ZC3H12D: variants seen among roughly 807,000 people sequenced by gnomAD.
ZC3H12D encodes zinc finger CCCH-type containing 12D.
In ZC3H12D, 11 loss-of-function variants were observed where a neutral mutation model predicts 24.2. The ratio of observed to expected loss-of-function variants is 0.46; its 90% CI spans 0.29 to 0.75. The LOEUF (loss-of-function observed/expected upper bound fraction) is 0.75, where lower values mean the gene tolerates loss of function less well. Among genes scored for constraint, ZC3H12D ranks in the 30% least tolerant of loss-of-function variants. The pLI, the probability that ZC3H12D is intolerant of heterozygous loss-of-function variation, is 0.11. For synonymous variants in ZC3H12D, 333 were observed against 341.8 expected (o/e 0.97, Z 0.28); for missense variants, 740 against 767.7 (o/e 0.96, Z 0.43).
chr6:149,478,830 G>A (rs1326302380), intron 1 of ZC3H12D, among the ~76,000 whole-genome samples: 3 of 151,860 alleles, frequency 2.0e-5, no homozygotes, highest in East Asian at 1.9e-4. Context: ...CCTGATGACT[G>A]TAACAGCCTC....
At chr6:149,464,545 C>A (rs1299328238) in intron 2 of ZC3H12D, among the ~76,000 whole-genome samples, 1 of 152,200 alleles carries the variant, frequency 6.6e-6, no homozygotes, top group Non-Finnish European at 1.5e-5. Flanking sequence ...TCACTGCACC[C>A]TCCCGCTCCT....
Position 149,474,582 on chromosome 6 carries a change from G to C in ZC3H12D, c.-39C>G. The C allele has an allele frequency of 7.0e-7, 1 of 1,430,404 alleles. No homozygotes were observed. The highest frequency in any genetic ancestry group is 2.5e-5 in the East Asian group (1 of 40,568). The allele number at this position is 1,430,404 out of a possible 1,614,324, so 88.6% of individuals were successfully genotyped here. On this transcript the variant is annotated 5_prime_UTR_variant, in exon 2 of 6. Transcript: ENST00000409806. ...GCCACTGGCGCAGGTCCTGCCCCAG[G>C]CTTCCTCCTCTCAGAGCCCTGCAGA... is the stretch of plus-strand genomic sequence containing the variant.
chr6:149,472,717 C>T (rs573145553), intron 2 of ZC3H12D, among the ~76,000 whole-genome samples: 15 of 152,136 alleles, frequency 9.9e-5, no homozygotes, highest in African/African-American at 3.6e-4. Context: ...TTTTTTGTTG[C>T]CCCTGAAATA....
At chr6:149,476,459 G>A (rs9485397) in intron 1 of ZC3H12D, among the ~76,000 whole-genome samples, 35,581 of 151,758 alleles carry the variant, frequency 0.23, 4,431 homozygotes, top group Non-Finnish European at 0.26. Context: ...AGCCAAGATC[G>A]TGCTACTGCA....
In ZC3H12D at chr6:149,452,575, A is replaced by C. The variant is rs1177572525; in HGVS notation, c.787+41T>G. ...TGTGCTCCTGTACTGCCCCCACACAAGGCCCTGAACAGGGCCTGCGAAGCA... is the reference window on the plus strand; with the variant it reads ...TGTGCTCCTGTACTGCCCCCACACACGGCCCTGAACAGGGCCTGCGAAGCA... On this transcript the variant is annotated intron_variant, in intron 5 of 5. Transcript: ENST00000409806. This position sits in a 1 kb window ranked among gnomAD's most constrained non-coding sequence, Gnocchi z 4.0. The C allele has an allele frequency of 6.9e-7, 1 of 1,446,156 alleles. No individual in the cohort carries two copies. Among genetic ancestry groups the C allele is most frequent in the Middle Eastern group, 2.1e-4 (1 of 4,688 alleles). The allele number at this position is 1,446,156 out of a possible 1,614,324, so 89.6% of individuals were successfully genotyped here.
chr6:149,456,595 G>T lies in ZC3H12D; in HGVS notation c.680+71C>A, dbSNP rs1022349231. 11 of 1,331,518 alleles carry T rather than the reference G, an allele frequency of 8.3e-6. No individual in the cohort carries two copies. Among genetic ancestry groups the T allele is most frequent in the Admixed American group, 2.0e-5 (1 of 50,354 alleles). 82.5% of individuals were successfully genotyped at this position (1,331,518 alleles called of 1,614,324 possible). A position where few individuals can be genotyped will look rare whatever the true frequency, so the allele number is the denominator to read the frequency against. ...CAAGCTCCTCCACCTGGTAGCAGGC[G>T]TGGCCACTGCCTCGACCCCGGCCCC... On this transcript the variant is annotated intron_variant, in intron 4 of 5. Coordinates refer to ENST00000409806, the MANE Select transcript of ZC3H12D (RefSeq NM_207360.3). This position sits in a 1 kb window ranked among gnomAD's most constrained non-coding sequence, Gnocchi z 4.3.
chr6:149,455,437 G>T (rs922566344), intron 4 of ZC3H12D, among the ~76,000 whole-genome samples: 6 of 152,220 alleles, frequency 3.9e-5, no homozygotes, highest in African/African-American at 1.4e-4. Flanking sequence ...AGCCCAGAAT[G>T]AGGGCCAAGC....
Position 149,456,773 on chromosome 6 carries a change from G to A in ZC3H12D, c.573C>T (p.Asp191=), listed in dbSNP as rs1775989621. 1.2e-6 allele frequency: 2 copies of A among 1,613,610 alleles called. No homozygotes were observed. Among genetic ancestry groups the A allele is most frequent in the South Asian group, 2.2e-5 (2 of 91,094 alleles). Residue 191 remains aspartate (D), a synonymous_variant, in exon 4 of 6, where the codon GAC becomes GAT. Coordinates refer to ENST00000409806, the MANE Select transcript of ZC3H12D (RefSeq NM_207360.3). The surrounding 1 kb of genome is among the most constrained non-coding windows in gnomAD (Gnocchi z 4.3). The stretch of plus-strand genomic sequence containing the variant: ...AGTTGTCGTTGGAGACGATGACGCC[G>A]TCCTGCTCGTAGGCCACCTTCACGA... ...RYIVKVAYEQ[D]GVIVSNDNYR...
At chr6:149,482,017 C>G (rs976397924) in intron 1 of ZC3H12D, among the ~76,000 whole-genome samples, 6 of 152,190 alleles carry the variant, frequency 3.9e-5, no homozygotes, top group South Asian at 4.1e-4. Context: ...CCTGGAGGGG[C>G]GCAGGGACAG....
At chr6:149,457,462 A>G (rs1364980228) in intron 3 of ZC3H12D, among the ~76,000 whole-genome samples, 5 of 152,178 alleles carry the variant, frequency 3.3e-5, no homozygotes, top group African/African-American at 1.2e-4. Flanking sequence ...GGACTCAAGA[A>G]CATCATAGAA....
In ZC3H12D at chr6:149,451,415, T is replaced by C. The variant is rs1775893187; in HGVS notation, c.852A>G (p.Gln284=). 6.4e-7 allele frequency: 1 copy of C among 1,570,550 alleles called. No homozygotes were observed. Among genetic ancestry groups the C allele is most frequent in the Non-Finnish European group, 8.6e-7 (1 of 1,168,372 alleles). ...FYHPERPHHA[Q]LAVADELRAK... ...CGCGGAGCTCGTCGGCCACCGCCAG[T>C]TGCGCGTGGTGCGGCCTCTCCGGGT... Residue 284 remains glutamine (Q), a synonymous_variant, in exon 6 of 6, where the codon CAA becomes CAG. Transcript: ENST00000409806.
intron 3 of ZC3H12D, among the ~76,000 whole-genome samples, chr6:149,459,907 T>A (rs1776044679): frequency 9.8e-6 from 1 of 101,960 alleles, no homozygotes; most frequent in African/African-American, 6.4e-5. Flanking sequence ...AGAAAACCCA[T>A]GGCAACTGCG....
chr6:149,458,128 CTTTTTTT>C (rs1189920889), intron 3 of ZC3H12D, among the ~76,000 whole-genome samples: 3 of 39,756 alleles, frequency 7.5e-5, no homozygotes, highest in African/African-American at 1.1e-4. Flanking sequence ...TTTTTCGTTT[CTTTTTTT>C]TTTTTTTTTT....
intron 1 of ZC3H12D, among the ~76,000 whole-genome samples, chr6:149,476,519 C>T (rs944577253): frequency 4.0e-5 from 6 of 151,470 alleles, no homozygotes; most frequent in Non-Finnish European, 8.8e-5. Flanking sequence ...AAAAAAAATG[C>T]ATTTTTGGCT....
At chr6:149,464,979 A>G (rs1776128716) in intron 2 of ZC3H12D, among the ~76,000 whole-genome samples, 1 of 152,190 alleles carries the variant, frequency 6.6e-6, no homozygotes, top group Non-Finnish European at 1.5e-5. Context: ...CAAGGATGAC[A>G]TTTTGAATTC....
rs1258011558 is a variant in ZC3H12D at position 149,451,362 on chromosome 6, C to T, written c.905G>A (p.Gly302Asp). The change falls in exon 6 of 6, where the codon GGC becomes GAC. Residue 302 changes from glycine to aspartate, a missense_variant. Physicochemically the swap from Gly to Asp is moderately conservative, Grantham distance 94 (BLOSUM62 -1). Transcript: ENST00000409806. ...RAKTGARPGA[G>D]AEEQRPPRAP... ...TCTCGGTGGCCGCTGCTCCTCGGCGCCCGCGCCAGGCCGGGCCCCTGTCTT... is the reference window on the plus strand; with the variant it reads ...TCTCGGTGGCCGCTGCTCCTCGGCGTCCGCGCCAGGCCGGGCCCCTGTCTT... The T allele has an allele frequency of 4.0e-6, 6 of 1,496,230 alleles. No individual in the cohort carries two copies. Among genetic ancestry groups the T allele is most frequent in the Non-Finnish European group, 5.3e-6 (6 of 1,133,538 alleles). The allele number at this position is 1,496,230 out of a possible 1,614,324, so 92.7% of individuals were successfully genotyped here. A position where few individuals can be genotyped will look rare whatever the true frequency, so the allele number is the denominator to read the frequency against.
intron 1 of ZC3H12D, among the ~76,000 whole-genome samples, chr6:149,475,919 C>CA (rs200722311): frequency 3.3e-5 from 5 of 152,008 alleles, no homozygotes; most frequent in Admixed American, 1.3e-4. Context: ...CGATATATTT[C>CA]AAAAAAAATT....
intron 1 of ZC3H12D, among the ~76,000 whole-genome samples, chr6:149,475,956 A>G (rs944417333): frequency 6.6e-6 from 1 of 152,198 alleles, no homozygotes; most frequent in African/African-American, 2.4e-5. Context: ...TAATCATGAA[A>G]ACATATTTAT....
intron 2 of ZC3H12D, among the ~76,000 whole-genome samples, chr6:149,465,788 A>G (rs1483961830): frequency 6.6e-6 from 1 of 150,750 alleles, no homozygotes; most frequent in Non-Finnish European, 1.5e-5. Context: ...GAGGAAGCAG[A>G]TCGCTGGTCC....
Sources: gnomAD v4.1 joint callset for allele counts (sites outside exome capture counted in the v4.1 genomes callset) on GRCh38, gnomAD v4.1.1 for gene constraint, Gnocchi (gnomAD v3.1) non-coding constraint, MANE v1.5 for transcripts, NCBI Gene and HGNC (gene_info 2026-07-23, HGNC 2026-07-21) for gene names.